Variants in TSC22D1 observed in about 807,000 individuals in gnomAD.
The protein encoded by TSC22D1 is TSC22 domain family member 1, also known as TSC22 domain family protein 1.
Under a neutral mutation model 74.2 loss-of-function variants are expected in TSC22D1, and 9 were observed. The ratio of observed to expected loss-of-function variants is 0.12; its 90% confidence interval spans 0.07 to 0.21. The LOEUF is 0.21. Ranked by LOEUF, TSC22D1 falls within the 10% of genes least tolerant of loss-of-function variation. The pLI is 1.00. For synonymous variants in TSC22D1, 586 were observed against 492.5 expected, an observed-to-expected ratio of 1.19 and a Z score of -2.51; for missense variants, 1,427 against 1,304.7, an observed-to-expected ratio of 1.09 and a Z score of -1.44.
chr13:44,494,271 G>A (rs1878855985), intron 1 of TSC22D1, among the ~76,000 whole-genome samples: 1 of 150,742 alleles, frequency 6.6e-6, no homozygotes, highest in South Asian at 2.1e-4. Context: ...AGGTACTTGG[G>A]AGGCTGAGGC....
At chr13:44,557,594 C>T (rs1186362617) in intron 1 of TSC22D1, among the ~76,000 whole-genome samples, 1 of 152,136 alleles carries the variant, frequency 6.6e-6, no homozygotes, top group Non-Finnish European at 1.5e-5. Flanking sequence ...AGTGAGTTCA[C>T]AGGAAAATTA....
chr13:44,462,333 A>G (rs1485324891), intron 1 of TSC22D1, among the ~76,000 whole-genome samples: 1 of 152,212 alleles, frequency 6.6e-6, no homozygotes, highest in Non-Finnish European at 1.5e-5. Context: ...AAGGTGCTGG[A>G]CCATAGAAAA....
At chr13:44,509,187 T>C (rs1879572399) in intron 1 of TSC22D1, among the ~76,000 whole-genome samples, 1 of 152,070 alleles carries the variant, frequency 6.6e-6, no homozygotes, top group Non-Finnish European at 1.5e-5. Flanking sequence ...CCCCCCAAAA[T>C]GGTGCACTAA....
intron 1 of TSC22D1, among the ~76,000 whole-genome samples, chr13:44,554,508 A>C (rs1205991035): frequency 1.3e-5 from 2 of 152,068 alleles, no homozygotes; most frequent in African/African-American, 4.8e-5. Flanking sequence ...TGCAGACCAA[A>C]ACCATGTCTT....
chr13:44,438,405 C>T (rs910514789), intron 1 of TSC22D1, among the ~76,000 whole-genome samples: 6 of 152,182 alleles, frequency 3.9e-5, no homozygotes, highest in Non-Finnish European at 8.8e-5. Flanking sequence ...TCCATTTAGA[C>T]AGTTTTTAAG....
chr13:44,530,077 T>C (rs374241289), intron 1 of TSC22D1, among the ~76,000 whole-genome samples: 6 of 152,064 alleles, frequency 3.9e-5, no homozygotes, highest in South Asian at 2.1e-4. Context: ...TGAAAGTCTA[T>C]GTGGAAAAGC....
At chr13:44,520,368 A>G (rs1250893261) in intron 1 of TSC22D1, among the ~76,000 whole-genome samples, 2 of 152,282 alleles carry the variant, frequency 1.3e-5, no homozygotes, top group Non-Finnish European at 2.9e-5. Context: ...GACTAGATAC[A>G]AAGCTGTCCA....
In TSC22D1 at chr13:44,573,871, T is replaced by G; in HGVS notation, c.2204A>C (p.Gln735Pro). Residue 735 changes from glutamine (Q) to proline (P), a missense_variant, in exon 1 of 3, where the codon CAA (glutamine) becomes CCA (proline). Gln to Pro is a moderately conservative substitution (Grantham distance 76). Transcript: ENST00000458659. ...CTGCACTGCAGTAGGTATGTTTGCT[T>G]GCTGACCAATATTTGCAATCTGACT... is the stretch of plus-strand genomic sequence containing the variant. The part of the protein sequence containing the change: ...TGSQIANIGQ[Q>P]ANIPTAVQQP... The G allele has an allele frequency of 1.9e-6, 3 of 1,614,230 alleles. No individual in the cohort carries two copies. The highest frequency in any genetic ancestry group is 8.5e-7 in the Non-Finnish European group (1 of 1,180,044).
chr13:44,453,814 G>A (rs923718978), intron 1 of TSC22D1, among the ~76,000 whole-genome samples: 14 of 152,270 alleles, frequency 9.2e-5, no homozygotes, highest in South Asian at 2.1e-4. Context: ...ATTTATCAGA[G>A]TATTACACGT....
chr13:44,505,310 T>G (rs1189269880), intron 1 of TSC22D1, among the ~76,000 whole-genome samples: 1 of 152,086 alleles, frequency 6.6e-6, no homozygotes, highest in African/African-American at 2.4e-5. Flanking sequence ...GCCTGTAACC[T>G]TGGGAGGCTG....
chr13:44,460,903 T>G (rs888703539), intron 1 of TSC22D1, among the ~76,000 whole-genome samples: 2 of 152,168 alleles, frequency 1.3e-5, no homozygotes, highest in African/African-American at 4.8e-5. Flanking sequence ...AAAATGCTAG[T>G]AGAAATGTGA....
intron 1 of TSC22D1, among the ~76,000 whole-genome samples, chr13:44,456,026 G>A (rs901017888): frequency 6.6e-6 from 1 of 152,152 alleles, no homozygotes; most frequent in Non-Finnish European, 1.5e-5. Context: ...GTCTGTATAA[G>A]ACAGACCCAA....
intron 1 of TSC22D1, among the ~76,000 whole-genome samples, chr13:44,461,810 T>C (rs1877010905): frequency 1.3e-5 from 2 of 152,214 alleles, no homozygotes; most frequent in South Asian, 4.2e-4. Flanking sequence ...TCAGAACAGA[T>C]ACCAGTTGTA....
intron 1 of TSC22D1, among the ~76,000 whole-genome samples, chr13:44,458,957 G>A (rs549569245): frequency 1.3e-4 from 20 of 152,276 alleles, no homozygotes; most frequent in Non-Finnish European, 2.2e-4. Context: ...TGTTGATGGC[G>A]GGAGGCAGAC....
intron 1 of TSC22D1, among the ~76,000 whole-genome samples, chr13:44,541,532 C>A (rs1881467620): frequency 6.6e-6 from 1 of 152,102 alleles, no homozygotes. Flanking sequence ...ACTTTATGCA[C>A]CTAAAGTGGC....
At position 44,433,662 on chromosome 13, in the gene TSC22D1, G is replaced by T; in HGVS notation, c.*964C>A. ...AGGTGATATGCAGAAACCCCTACTG[G>T]GAAATCCATTTCATTAGTTAGAACT... is the stretch of plus-strand genomic sequence containing the variant. On this transcript the variant is annotated 3_prime_UTR_variant, in exon 3 of 3. Transcript: ENST00000458659. 3.2e-6 allele frequency: 1 copy of T among 313,762 alleles called. No individual in the cohort carries two copies. The highest frequency in any genetic ancestry group is 5.8e-6 in the Non-Finnish European group (1 of 173,770). The allele number at this position is 313,762 out of a possible 1,614,324, so 19.4% of individuals were successfully genotyped here.
chr13:44,560,596 C>A (rs1249093089), intron 1 of TSC22D1, among the ~76,000 whole-genome samples: 1 of 151,810 alleles, frequency 6.6e-6, no homozygotes, highest in Non-Finnish European at 1.5e-5. Context: ...ACCTTGCTGC[C>A]CTAAAAGGTA....
chr13:44,554,797 T>A (rs1469182992), intron 1 of TSC22D1, among the ~76,000 whole-genome samples: 3 of 152,128 alleles, frequency 2.0e-5, no homozygotes, highest in Non-Finnish European at 4.4e-5. Context: ...CTGCACCAAA[T>A]GTTTACCAAA....
intron 1 of TSC22D1, among the ~76,000 whole-genome samples, chr13:44,517,753 A>ATG (rs376768692): frequency 0.014 from 671 of 49,314 alleles, 9 homozygotes; most frequent in African/African-American, 0.034. Flanking sequence ...ATACGTATAT[A>ATG]TGTGTGTGTG....
Sources: allele counts gnomAD v4.1 joint callset (sites outside exome capture counted in the v4.1 genomes callset), GRCh38; gene constraint gnomAD v4.1.1; transcripts MANE v1.5; gene names NCBI Gene and HGNC (gene_info 2026-07-23, HGNC 2026-07-21).